Variants in MAGEA1 observed in about 807,000 individuals in gnomAD.
MAGEA1 encodes melanoma-associated antigen 1.
For missense variants in MAGEA1, 182 were observed against 233.7 expected, an observed-to-expected ratio of 0.78 and a Z score of 1.44; for synonymous variants, 101 against 96.7, an observed-to-expected ratio of 1.04 and a Z score of -0.26.
At chrX:153,181,348 C>T (rs1483164110) in intron 1 of MAGEA1, among the ~76,000 whole-genome samples, 1 of 111,245 alleles carries the variant, frequency 9.0e-6, no homozygotes, top group African/African-American at 3.3e-5. Context: ...ATCTGCCATG[C>T]GTTCGGGTGA....
chrX:153,183,344 G>A lies in MAGEA1; in HGVS notation c.*25G>A. The A allele has an allele frequency of 8.4e-7, 1 of 1,188,114 alleles. No individual in the cohort carries two copies. The highest frequency in any genetic ancestry group is 1.1e-6 in the Non-Finnish European group (1 of 880,596). On this transcript the variant is annotated 3_prime_UTR_variant, in exon 3 of 3. Transcript: ENST00000356661. The stretch of plus-strand genomic sequence containing the variant: ...AGCATGAGTTGCAGCCAAGGCCAGT[G>A]GGAGGGGGACTGGGCCAGTGCACCT...
Position 153,182,472 on chromosome X carries a change from T to C in MAGEA1, c.83T>C (p.Val28Ala). Residue 28 changes from valine (V) to alanine (A), a missense_variant, in exon 3 of 3, where the codon GTG (valine) becomes GCG (alanine). Val to Ala is a moderately conservative substitution (Grantham distance 64). Coordinates refer to ENST00000356661, the MANE Select transcript of MAGEA1 (RefSeq NM_004988.5). ...CAAGAGGCCCTGGGCCTGGTGTGTG[T>C]GCAGGCTGCCACCTCCTCCTCCTCT... is the stretch of plus-strand genomic sequence containing the variant. ...AQQEALGLVC[V>A]QAATSSSSPL... 1 of 1,211,257 alleles carries C rather than the reference T, an allele frequency of 8.3e-7. No homozygotes were observed.
At chrX:153,181,349 G>T (rs908811023) in intron 1 of MAGEA1, among the ~76,000 whole-genome samples, 3 of 111,332 alleles carry the variant, frequency 2.7e-5, no homozygotes, top group African/African-American at 9.8e-5. Context: ...TCTGCCATGC[G>T]TTCGGGTGAG....
chrX:153,183,012 A>G lies in MAGEA1; in HGVS notation c.623A>G (p.His208Arg). 3 of 1,211,867 alleles carry G rather than the reference A, an allele frequency of 2.5e-6. No homozygotes were observed. Among genetic ancestry groups the G allele is most frequent in the Non-Finnish European group, 3.4e-6 (3 of 895,519 alleles). ...GTCATGATTGCAATGGAGGGCGGCC[A>G]TGCTCCTGAGGAGGAAATCTGGGAG... ...VLVMIAMEGGHAPEEEIWEEL... is the reference protein window; with the variant it reads ...VLVMIAMEGGRAPEEEIWEEL... Residue 208 changes from histidine (H) to arginine (R), a missense_variant, in exon 3 of 3, where the codon CAT becomes CGT. Coordinates refer to ENST00000356661, the MANE Select transcript of MAGEA1 (RefSeq NM_004988.5).
Position 153,183,287 on chromosome X carries a change from G to A in MAGEA1, c.898G>A (p.Ala300Thr). The A allele has an allele frequency of 8.3e-7, 1 of 1,210,335 alleles. No individual in the cohort carries two copies. Among genetic ancestry groups the A allele is most frequent in the Non-Finnish European group, 1.1e-6 (1 of 894,568 alleles). ...VRFFFPSLREAALREEEEGV is the reference protein window; with the variant it reads ...VRFFFPSLRETALREEEEGV ...CTTTTTCTTCCCATCCCTGCGTGAA[G>A]CAGCTTTGAGAGAGGAGGAAGAGGG... The change falls in exon 3 of 3, where the codon GCA (alanine) becomes ACA (threonine). Residue 300 changes from alanine (A) to threonine (T), a missense_variant. Transcript: ENST00000356661.
At position 153,182,721 on chromosome X, in the gene MAGEA1, G is replaced by A; in HGVS notation, c.332G>A (p.Gly111Asp). 1 of 1,211,994 alleles carries A rather than the reference G, an allele frequency of 8.3e-7. No individual in the cohort carries two copies. The highest frequency in any genetic ancestry group is 1.1e-6 in the Non-Finnish European group (1 of 895,537). Residue 111 changes from glycine (G) to aspartate (D), a missense_variant, in exon 3 of 3, where the codon GGT (glycine) becomes GAT (aspartate). Transcript: ENST00000356661. ...ACTAAGAAGGTGGCTGATTTGGTTG[G>A]TTTTCTGCTCCTCAAATATCGAGCC... ...VITKKVADLV[G>D]FLLLKYRARE...
At position 153,182,678 on chromosome X, in the gene MAGEA1, T is replaced by C. The variant is rs1602751635; in HGVS notation, c.289T>C (p.Leu97=). 1 of 1,210,389 alleles carries C rather than the reference T, an allele frequency of 8.3e-7. No individual in the cohort carries two copies. The highest frequency in any genetic ancestry group is 1.1e-6 in the Non-Finnish European group (1 of 895,289). ...AAGCACCTCTTGTATCCTGGAGTCC[T>C]TGTTCCGAGCAGTAATCACTAAGAA... ...GPSTSCILES[L]FRAVITKKVA... is the part of the protein sequence containing the mutation. The change falls in exon 3 of 3, where the codon TTG becomes CTG. Residue 97 remains leucine, a synonymous_variant. Transcript: ENST00000356661.
At position 153,183,402 on chromosome X, in the gene MAGEA1, C is replaced by G; in HGVS notation, c.*83C>G. ...CCGCGTCCAGCAGCTTCCCCTGCCT[C>G]GTGTGACATGAGGCCCATTCTTCAC... On this transcript the variant is annotated 3_prime_UTR_variant, in exon 3 of 3. Transcript: ENST00000356661. The G allele has an allele frequency of 2.1e-6, 2 of 958,024 alleles. No individual in the cohort carries two copies. Among genetic ancestry groups the G allele is most frequent in the Admixed American group, 2.5e-5 (1 of 39,252 alleles). 79.0% of individuals were successfully genotyped at this position (958,024 alleles called of 1,213,427 possible). A position where few individuals can be genotyped will look rare whatever the true frequency, so the allele number is the denominator to read the frequency against.
In MAGEA1 at chrX:153,182,546, G is replaced by C. The variant is rs111525045; in HGVS notation, c.157G>C (p.Asp53His). The change falls in exon 3 of 3, where the codon GAT (aspartate) becomes CAT (histidine). Residue 53 changes from aspartate to histidine, a missense_variant. Asp to His is a moderately conservative substitution (Grantham distance 81, BLOSUM62 -1). Transcript: ENST00000356661. ...GGAGGTGCCCACTGCTGGGTCAACA[G>C]ATCCTCCCCAGAGTCCTCAGGGAGC... ...LEEVPTAGSTDPPQSPQGASA... is the reference protein window; with the variant it reads ...LEEVPTAGSTHPPQSPQGASA... The C allele has an allele frequency of 5.6e-5, 68 of 1,209,790 alleles. No homozygotes were observed. In the African/African-American group the frequency reaches 7.4e-4, roughly 13 times the overall value.
intron 1 of MAGEA1, among the ~76,000 whole-genome samples, chrX:153,180,665 A>G (rs1219109405): frequency 9.0e-6 from 1 of 111,722 alleles, no homozygotes; most frequent in Non-Finnish European, 1.9e-5. Flanking sequence ...TCAGATTAGC[A>G]TGGGGGTGGG....
chrX:153,182,167 C>A lies in MAGEA1; in HGVS notation c.-138-10C>A. ...CTGTACCCTGAGTACCCTCTCACTT[C>A]CTCCTTCAGGTTTTCAGGGGACAGG... is the stretch of plus-strand genomic sequence containing the variant. On this transcript the variant is annotated splice_polypyrimidine_tract_variant and intron_variant, in intron 1 of 2. Coordinates refer to ENST00000356661, the MANE Select transcript of MAGEA1 (RefSeq NM_004988.5). The A allele has an allele frequency of 1.3e-6, 1 of 796,518 alleles. No homozygotes were observed. The highest frequency in any genetic ancestry group is 1.9e-6 in the Non-Finnish European group (1 of 528,343). The allele number at this position is 796,518 out of a possible 1,213,427, so 65.6% of individuals were successfully genotyped here. A position where few individuals can be genotyped will look rare whatever the true frequency, so the allele number is the denominator to read the frequency against.
At chrX:153,181,078 A>AG (rs3838182) in intron 1 of MAGEA1, among the ~76,000 whole-genome samples, 1,823 of 105,508 alleles carry the variant, frequency 0.017, 21 homozygotes, top group Non-Finnish European at 0.025. Context: ...CTTGGGGTAA[A>AG]GGGGGGATGT....
In MAGEA1 at chrX:153,183,542, T is replaced by C. The variant is rs782107806; in HGVS notation, c.*223T>C. The C allele has an allele frequency of 7.5e-4, 323 of 431,758 alleles. 3 individuals are homozygous for C. The South Asian group carries it at 0.011, about 15-fold the overall frequency. The allele number at this position is 431,758 out of a possible 1,213,427, so 35.6% of individuals were successfully genotyped here. The stretch of plus-strand genomic sequence containing the variant: ...CAAATGTTTTTTTTTAAGGGATGGT[T>C]GAATGAACTTCAGCATCCAAGTTTA... On this transcript the variant is annotated 3_prime_UTR_variant, in exon 3 of 3. Coordinates refer to ENST00000356661, the MANE Select transcript of MAGEA1 (RefSeq NM_004988.5).
At position 153,182,822 on chromosome X, in the gene MAGEA1, G is replaced by A. The variant is rs1556944151; in HGVS notation, c.433G>A (p.Gly145Ser). ...NYKHCFPEIF[G>S]KASESLQLVF... Reference sequence around the variant, plus strand: ...CAAGCACTGTTTTCCTGAGATCTTCGGCAAAGCCTCTGAGTCCTTGCAGCT... The same window carrying A: ...CAAGCACTGTTTTCCTGAGATCTTCAGCAAAGCCTCTGAGTCCTTGCAGCT... Residue 145 changes from glycine (G) to serine (S), a missense_variant, in exon 3 of 3, where the codon GGC becomes AGC. Transcript: ENST00000356661. The A allele has an allele frequency of 8.3e-7, 1 of 1,211,747 alleles. No homozygotes were observed. The highest frequency in any genetic ancestry group is 3.0e-5 in the East Asian group (1 of 33,840).
chrX:153,182,345 C>T lies in MAGEA1; in HGVS notation c.-45C>T. The T allele has an allele frequency of 8.8e-7, 1 of 1,142,221 alleles. No homozygotes were observed. Among genetic ancestry groups the T allele is most frequent in the Non-Finnish European group, 1.2e-6 (1 of 832,308 alleles). 94.1% of individuals were successfully genotyped at this position (1,142,221 alleles called of 1,213,427 possible). A position where few individuals can be genotyped will look rare whatever the true frequency, so the allele number is the denominator to read the frequency against. On this transcript the variant is annotated 5_prime_UTR_variant, in exon 3 of 3. Transcript: ENST00000356661. ...CCCAGGCCTGTGGGTCTTCATTGCCCAGCTCCTGCCCACACTCCTGCCTGC... is the reference window on the plus strand; with the variant it reads ...CCCAGGCCTGTGGGTCTTCATTGCCTAGCTCCTGCCCACACTCCTGCCTGC...
rs2051504075 is a variant in MAGEA1, at chrX:153,182,880, C to A, written c.491C>A (p.Pro164His). The change falls in exon 3 of 3, where the codon CCC becomes CAC. Residue 164 changes from proline to histidine, a missense_variant. Coordinates refer to ENST00000356661, the MANE Select transcript of MAGEA1 (RefSeq NM_004988.5). ...VFGIDVKEAD[P>H]TGHSYVLVTC... ...GGCATTGACGTGAAGGAAGCAGACC[C>A]CACCGGCCACTCCTATGTCCTTGTC... The A allele has an allele frequency of 1.3e-5, 16 of 1,210,165 alleles. No homozygotes were observed. The highest frequency in any genetic ancestry group is 1.7e-5 in the Non-Finnish European group (15 of 895,290).
rs782667741 is a variant in MAGEA1 at position 153,182,622 on chromosome X, AG to A, written c.236del (p.Gly79ValfsTer23). The A allele has an allele frequency of 8.3e-7, 1 of 1,211,326 alleles. No individual in the cohort carries two copies. Among genetic ancestry groups the A allele is most frequent in the East Asian group, 3.0e-5 (1 of 33,811 alleles). ...INFTRQRQPS[E>X]GSSSREEEGP... ...TTCACTCGACAGAGGCAACCCAGTG[AG>A]GGTTCCAGCAGCCGTGAAGAGGAGG... On this transcript the variant is annotated frameshift_variant, in exon 3 of 3. Coordinates refer to ENST00000356661, the MANE Select transcript of MAGEA1 (RefSeq NM_004988.5). LOFTEE classifies it low-confidence loss of function (END_TRUNC).
At position 153,183,876 on chromosome X, in the gene MAGEA1, G is replaced by C. The variant is rs1453261069; in HGVS notation, c.*557G>C. 8.2e-6 allele frequency: 1 copy of C among 121,464 alleles called. No individual in the cohort carries two copies. Among genetic ancestry groups the C allele is most frequent in the East Asian group, 2.8e-4 (1 of 3,633 alleles). The allele number at this position is 121,464 out of a possible 1,213,427, so 10.0% of individuals were successfully genotyped here. ...TAAATCTGAATAAAGAATTCTTCCT[G>C]TTCACTGGCTCTTTTCTTCTCCATG... On this transcript the variant is annotated 3_prime_UTR_variant, in exon 3 of 3. Coordinates refer to ENST00000356661, the MANE Select transcript of MAGEA1 (RefSeq NM_004988.5).
Position 153,183,404 on chromosome X carries a change from T to A in MAGEA1, c.*85T>A. ...GCGTCCAGCAGCTTCCCCTGCCTCGTGTGACATGAGGCCCATTCTTCACTC... is the reference window on the plus strand; with the variant it reads ...GCGTCCAGCAGCTTCCCCTGCCTCGAGTGACATGAGGCCCATTCTTCACTC... On this transcript the variant is annotated 3_prime_UTR_variant, in exon 3 of 3. Coordinates refer to ENST00000356661, the MANE Select transcript of MAGEA1 (RefSeq NM_004988.5). 1 of 949,403 alleles carries A rather than the reference T, an allele frequency of 1.1e-6. No individual in the cohort carries two copies. Among genetic ancestry groups the A allele is most frequent in the Non-Finnish European group, 1.5e-6 (1 of 677,457 alleles). 78.2% of individuals were successfully genotyped at this position (949,403 alleles called of 1,213,427 possible). A position where few individuals can be genotyped will look rare whatever the true frequency, so the allele number is the denominator to read the frequency against.
Sources: gnomAD v4.1 joint callset for allele counts (sites outside exome capture counted in the v4.1 genomes callset) on GRCh38, gnomAD v4.1.1 for gene constraint, MANE v1.5 for transcripts, NCBI Gene and HGNC (gene_info 2026-07-23, HGNC 2026-07-21) for gene names.